Variants in THBS4 observed in about 807,000 individuals in gnomAD.
THBS4 encodes thrombospondin 4.
Under a neutral mutation model 115.7 loss-of-function variants are expected in THBS4, and 90 were observed. That is an observed-to-expected ratio of 0.78 (90% CI 0.66 to 0.93). The LOEUF is 0.93. Among genes scored for constraint, THBS4 ranks in the 40% least tolerant of loss-of-function variants. THBS4 has a pLI of 0.00. For missense variants in THBS4, 1,087 were observed against 1,232.7 expected, an observed-to-expected ratio of 0.88 and a Z score of 1.77; for synonymous variants, 460 against 479.3, an observed-to-expected ratio of 0.96 and a Z score of 0.53.
At chr5:80,059,926 G>T in intron 7 of THBS4, 21 bp downstream of exon 7, 2 of 1,608,110 alleles carry the variant, frequency 1.2e-6, no homozygotes, top group Non-Finnish European at 1.7e-6. Context: ...ACTTAGACTG[G>T]GAGGGGATCC....
At chr5:80,013,060 CCTCAAAACA>C (rs1471290375) in intron 2 of THBS4, among the ~76,000 whole-genome samples, 1 of 152,180 alleles carries the variant, frequency 6.6e-6, no homozygotes, top group African/African-American at 2.4e-5. Flanking sequence ...GCCAAGGGAT[CCTCAAAACA>C]AGGCAAGTTT....
rs1833570756 is a variant in THBS4 at position 80,059,845 on chromosome 5, G to A, written c.927G>A (p.Gln309=). 6 of 1,613,864 alleles carry A rather than the reference G, an allele frequency of 3.7e-6. No individual in the cohort carries two copies. Among genetic ancestry groups the A allele is most frequent in the Non-Finnish European group, 5.1e-6 (6 of 1,179,956 alleles). The change falls in exon 7 of 22, where the codon CAG becomes CAA. Residue 309 remains glutamine, a synonymous_variant. Transcript: ENST00000350881. The part of the protein sequence containing the change: ...VQCTDSRDGF[Q]CGPCPEGYTG... ...GTACCGACAGTAGAGATGGCTTCCAGTGTGGGCCCTGCCCCGAGGGCTACA... is the reference window on the plus strand; with the variant it reads ...GTACCGACAGTAGAGATGGCTTCCAATGTGGGCCCTGCCCCGAGGGCTACA...
chr5:80,052,713 C>T (rs1167139210), intron 2 of THBS4: 1 of 152,200 alleles, frequency 6.6e-6, no homozygotes, highest in African/African-American at 2.4e-5. Flanking sequence ...ACTGGAAAAT[C>T]GAGTCAGATT....
intron 2 of THBS4, among the ~76,000 whole-genome samples, chr5:80,029,415 A>G (rs893139079): frequency 1.3e-5 from 2 of 152,186 alleles, no homozygotes; most frequent in African/African-American, 2.4e-5. Context: ...CTGGACTTCA[A>G]GTTTGGTATA....
intron 9 of THBS4, chr5:80,066,873 G>A (rs1450685961): frequency 6.6e-6 from 1 of 152,136 alleles, no homozygotes; most frequent in African/African-American, 2.4e-5. Flanking sequence ...ACTAGGCCAA[G>A]GAAAAAGAGC....
At chr5:80,082,840 A>C (rs1322226481) in intron 21 of THBS4, among the ~76,000 whole-genome samples, 1 of 150,740 alleles carries the variant, frequency 6.6e-6, no homozygotes, top group Admixed American at 6.6e-5. Context: ...GTTAAAACAT[A>C]ATCACAGATG....
At chr5:79,999,083 C>A (rs556268132) in intron 2 of THBS4, among the ~76,000 whole-genome samples, 1 of 152,268 alleles carries the variant, frequency 6.6e-6, no homozygotes, top group South Asian at 2.1e-4. Flanking sequence ...AAACTACAAA[C>A]AATCCAGCAT....
intron 13 of THBS4, among the ~76,000 whole-genome samples, 190 bp downstream of exon 13, chr5:80,071,370 C>G (rs1834045436): frequency 6.6e-6 from 1 of 152,126 alleles, no homozygotes; most frequent in Non-Finnish European, 1.5e-5. Context: ...ACTCCACTAC[C>G]TAATGGCTCT....
At position 80,077,054 on chromosome 5, in the gene THBS4, C is replaced by T. The variant is rs370631371; in HGVS notation, c.2086+6C>T. Reference sequence around the variant, plus strand: ...AGCCCAGGAGGATAGCAACAGTAAGCAGGCTCAGCCCAGAGCTGCACAGCA... The same window carrying T: ...AGCCCAGGAGGATAGCAACAGTAAGTAGGCTCAGCCCAGAGCTGCACAGCA... On this transcript the variant is annotated splice_donor_region_variant and intron_variant, in intron 16 of 21. Transcript: ENST00000350881. 1.4e-5 allele frequency: 23 copies of T among 1,593,704 alleles called. No individual in the cohort carries two copies. The highest frequency in any genetic ancestry group is 1.4e-4 in the South Asian group (12 of 87,170).
At chr5:80,075,092 C>T (rs964310518) in intron 15 of THBS4, 1 of 152,154 alleles carries the variant, frequency 6.6e-6, no homozygotes, top group African/African-American at 2.4e-5. Context: ...TTACTTAATA[C>T]CTAATACAAT....
intron 1 of THBS4, among the ~76,000 whole-genome samples, chr5:79,995,433 G>A (rs1378918985): frequency 6.6e-6 from 1 of 152,138 alleles, no homozygotes; most frequent in Non-Finnish European, 1.5e-5. Flanking sequence ...GGAGAAAAGG[G>A]TATAAACGAT....
intron 20 of THBS4, among the ~76,000 whole-genome samples, chr5:80,080,588 T>TTTTTTTTTTTTTTTTC (rs1561331643): frequency 7.6e-6 from 1 of 132,236 alleles, no homozygotes; most frequent in East Asian, 2.3e-4. Context: ...TCTTTTTTTT[T>TTTTTTTTTTTTTTTTC]TTTTTTTTTT....
chr5:80,030,642 T>C (rs1832567874), upstream of THBS4, among the ~76,000 whole-genome samples: 1 of 152,120 alleles, frequency 6.6e-6, no homozygotes, highest in Non-Finnish European at 1.5e-5. Flanking sequence ...GCTGAGATTA[T>C]AGGTGTGAGC....
chr5:80,016,163 T>G (rs866696009), intron 2 of THBS4, among the ~76,000 whole-genome samples: 1 of 152,214 alleles, frequency 6.6e-6, no homozygotes, highest in East Asian at 1.9e-4. Context: ...CAATTCCCTT[T>G]CTGATTGACA....
chr5:80,057,895 C>T (rs77823022), intron 3 of THBS4, among the ~76,000 whole-genome samples: 1 of 152,270 alleles, frequency 6.6e-6, no homozygotes, highest in East Asian at 1.9e-4. Context: ...AAACAAATTA[C>T]AGACAATTCT....
At chr5:80,058,652 C>A in intron 4 of THBS4, 56 bp from the exon 5 acceptor site, 2 of 1,527,720 alleles carry the variant, frequency 1.3e-6, no homozygotes, top group Non-Finnish European at 1.8e-6. Context: ...GGTTTTGAGT[C>A]ACTTAGAAAT....
intron 15 of THBS4, chr5:80,075,284 T>C (rs1342993873): frequency 6.6e-6 from 1 of 152,208 alleles, no homozygotes; most frequent in Non-Finnish European, 1.5e-5. Context: ...TATTTCCCAG[T>C]CTCTTCACAT....
chr5:80,079,137 G>C lies in THBS4; in HGVS notation c.2390G>C (p.Gly797Ala). Residue 797 changes from glycine to alanine, a missense_variant, in exon 19 of 22, where the codon GGC becomes GCC. Gly to Ala is a moderately conservative substitution (Grantham distance 60, BLOSUM62 0). Transcript: ENST00000350881. ...ACCCAGACAGATGATGACTATGCAG[G>C]CTTTATCTTTGGCTACCAAGATAGC... is the stretch of plus-strand genomic sequence containing the variant. ...VNTQTDDDYA[G>A]FIFGYQDSSS... 6.2e-7 allele frequency: 1 copy of C among 1,614,182 alleles called. No homozygotes were observed.
chr5:80,043,007 G>A (rs776319793), intron 2 of THBS4, among the ~76,000 whole-genome samples: 1 of 151,926 alleles, frequency 6.6e-6, no homozygotes, highest in African/African-American at 2.4e-5. Flanking sequence ...AAGATGAAAG[G>A]GTTGAGATGA....
Sources: gnomAD v4.1 joint callset for allele counts (sites outside exome capture counted in the v4.1 genomes callset) on GRCh38, gnomAD v4.1.1 for gene constraint, MANE v1.5 for transcripts, NCBI Gene and HGNC (gene_info 2026-07-23, HGNC 2026-07-21) for gene names.